NCOR2: variants seen among roughly 807,000 people sequenced by gnomAD.
NCOR2 encodes the protein CTG repeat protein 26.
Under a neutral mutation model 262.9 loss-of-function variants are expected in NCOR2, and 81 were observed. That is an observed-to-expected ratio of 0.31 (90% CI 0.26 to 0.37). NCOR2 has a LOEUF of 0.37. Among genes scored for constraint, NCOR2 ranks in the 10% least tolerant of loss-of-function variants. The probability of loss-of-function intolerance (pLI) is 1.00; values close to 1 mark genes in which losing one functional copy is unlikely to be tolerated. For synonymous variants in NCOR2, 1,659 were observed against 1,559.3 expected, an observed-to-expected ratio of 1.06 and a Z score of -1.51; for missense variants, 3,385 against 3,621.4, an observed-to-expected ratio of 0.93 and a Z score of 1.68.
At chr12:124,326,881 G>T (rs2034704362) in intron 45 of NCOR2, among the ~76,000 whole-genome samples, 1 of 152,186 alleles carries the variant, frequency 6.6e-6, no homozygotes, top group Non-Finnish European at 1.5e-5. Flanking sequence ...GATACAGAGG[G>T]TATTGATGGG....
At chr12:124,421,093 G>A (rs529335212) in intron 12 of NCOR2, among the ~76,000 whole-genome samples, 1 of 152,400 alleles carries the variant, frequency 6.6e-6, no homozygotes, top group Admixed American at 6.5e-5. Context: ...AGCAATGGCA[G>A]CCCGGCTCCG....
intron 1 of NCOR2, among the ~76,000 whole-genome samples, chr12:124,561,679 A>T (rs1245560255): frequency 6.6e-6 from 1 of 152,056 alleles, no homozygotes; most frequent in South Asian, 2.1e-4. Context: ...AAAGGGGAAG[A>T]CCCTCCAGGA....
At chr12:124,348,924 G>A (rs1175846455) in intron 28 of NCOR2, 1 of 154,790 alleles carries the variant, frequency 6.5e-6, no homozygotes, top group African/African-American at 2.4e-5. Flanking sequence ...GTGTGTGCAG[G>A]AGTGGATGTG....
Position 124,433,869 on chromosome 12 carries a change from C to A in NCOR2, c.883-3082G>T, listed in dbSNP as rs867613600. ...TTACACACACACACACACACACACA[C>A]ACACACACACACACACACACACACA... On this transcript the variant is annotated intron_variant, in intron 8 of 46. Coordinates refer to ENST00000405201, the Ensembl canonical transcript of NCOR2. 1.2e-4 allele frequency among the ~76,000 whole-genome samples: 6 copies of A among 50,450 alleles called. No homozygotes were observed. The South Asian group carries it at 2.3e-3, about 19-fold the overall frequency. 33.1% of individuals were successfully genotyped at this position (50,450 alleles called of 152,430 possible).
In NCOR2 at chr12:124,340,578, C is replaced by T. The variant is rs757989794; in HGVS notation, c.5338+24G>A. On this transcript the variant is annotated intron_variant, in intron 35 of 46. Coordinates refer to ENST00000405201, the Ensembl canonical transcript of NCOR2. ...CCTCCCATGGATGCCGGGGTCCCCA[C>T]CCCAGACTGGGCAGTGGCGCTACCT... is the stretch of plus-strand genomic sequence containing the variant. The T allele has an allele frequency of 6.6e-6, 10 of 1,510,902 alleles. No individual in the cohort carries two copies. The East Asian group carries it at 2.1e-4, about 31-fold the overall frequency. The allele number at this position is 1,510,902 out of a possible 1,614,324, so 93.6% of individuals were successfully genotyped here.
At chr12:124,477,662 T>A (rs1253276018) in intron 3 of NCOR2, among the ~76,000 whole-genome samples, 3 of 152,228 alleles carry the variant, frequency 2.0e-5, no homozygotes, top group Non-Finnish European at 4.4e-5. Context: ...CAAACCCGGA[T>A]TGCCAAGAGC....
intron 24 of NCOR2, 79 bp downstream of exon 26, chr12:124,355,353 T>A (rs870051): frequency 1.6e-5 from 24 of 1,534,692 alleles, no homozygotes; most frequent in Non-Finnish European, 1.9e-5. Context: ...TGGCCCCCAC[T>A]CAGACTTCAT....
At chr12:124,358,294 C>T (rs895665822) in intron 22 of NCOR2, among the ~76,000 whole-genome samples, 33 of 142,890 alleles carry the variant, frequency 2.3e-4, no homozygotes, top group Non-Finnish European at 3.9e-4. Flanking sequence ...TGTATGTGCA[C>T]GTGCACGTGT....
At position 124,440,509 on chromosome 12, in the gene NCOR2, C is replaced by T. The variant is rs954893315; in HGVS notation, c.816-2513G>A. Among the ~76,000 whole-genome samples, 1 of 152,234 alleles carries T rather than the reference C, an allele frequency of 6.6e-6. No individual in the cohort carries two copies. Among genetic ancestry groups the T allele is most frequent in the Admixed American group, 6.5e-5 (1 of 15,292 alleles). Reference sequence around the variant, plus strand: ...CATCTCATAACAGGGTGTCTCTGAGCACACCTCAGAAGCCCTCAGTTTCCT... The same window carrying T: ...CATCTCATAACAGGGTGTCTCTGAGTACACCTCAGAAGCCCTCAGTTTCCT... On this transcript the variant is annotated intron_variant, in intron 7 of 46. Coordinates refer to ENST00000405201, the Ensembl canonical transcript of NCOR2. This position sits in a 1 kb window ranked among gnomAD's most constrained non-coding sequence, Gnocchi z 5.7.
rs1334931290 is a variant in NCOR2 at position 124,335,652 on chromosome 12, C to G, written c.6116-20G>C. ...GGTAACCTAGGGCAGGCGGGGGGTG[C>G]AGAGTCAGGCACCGGGCCCAGGGTT... On this transcript the variant is annotated intron_variant, in intron 38 of 46. Coordinates refer to ENST00000405201, the Ensembl canonical transcript of NCOR2. 2 of 1,582,500 alleles carry G rather than the reference C, an allele frequency of 1.3e-6. No individual in the cohort carries two copies. Among genetic ancestry groups the G allele is most frequent in the Non-Finnish European group, 8.6e-7 (1 of 1,167,382 alleles).
exon 47 of NCOR2, chr12:124,325,379 C>A (rs924847373): frequency 1.6e-5 from 5 of 317,184 alleles, no homozygotes; most frequent in South Asian, 1.0e-4. Context: ...CTGACACCGC[C>A]CCCCCCCCCG....
rs58285194 is a variant in NCOR2 at position 124,519,089 on chromosome 12, T to TACACACACACATACACACACACACACAC, written c.-118+16475_-118+16476insGTGTGTGTGTGTGTGTATGTGTGTGTGT. ...TAGAAAAGAAGACGTGGCCAAATAA[T>TACACACACACATACACACACACACACAC]ACACACACACACACACACACACACA... On this transcript the variant is annotated intron_variant, in intron 1 of 46. Coordinates refer to the NCOR2 transcript ENST00000404621. 6.2e-3 allele frequency among the ~76,000 whole-genome samples: 600 copies of TACACACACACATACACACACACACACAC among 97,250 alleles called. 21 individuals carry two copies. The highest frequency in any genetic ancestry group is 0.01 in the Middle Eastern group (2 of 200). 63.8% of individuals were successfully genotyped at this position (97,250 alleles called of 152,430 possible). A position where few individuals can be genotyped will look rare whatever the true frequency, so the allele number is the denominator to read the frequency against.
intron 24 of NCOR2, 138 bp from the exon 27 acceptor site, chr12:124,355,077 A>T: frequency 1.4e-6 from 1 of 714,298 alleles, no homozygotes; most frequent in Non-Finnish European, 2.3e-6. Context: ...ACGGCAGACA[A>T]GTCACTGCTA....
rs1476684393 is a variant in NCOR2, at chr12:124,443,009, C to A, written c.816-5013G>T. ...GGCAGCCGCCAGGAGCTGGAACCGG[C>A]AAGGAAGCAGCCTCCCCCAGAGCCT... On this transcript the variant is annotated intron_variant, in intron 7 of 46. Coordinates refer to ENST00000405201, the Ensembl canonical transcript of NCOR2. This position sits in a 1 kb window ranked among gnomAD's most constrained non-coding sequence, Gnocchi z 4.4. Among the ~76,000 whole-genome samples, 1 of 152,242 alleles carries A rather than the reference C, an allele frequency of 6.6e-6. No individual in the cohort carries two copies. Among genetic ancestry groups the A allele is most frequent in the African/African-American group, 2.4e-5 (1 of 41,464 alleles).
Position 124,373,288 on chromosome 12 carries a change from C to T in NCOR2, c.2219-678G>A, listed in dbSNP as rs1233054267. The stretch of plus-strand genomic sequence containing the variant: ...ACAGTGGACAATCATGAGGCCAGTG[C>T]GTGTGCAGGGGCCCGGGCACAGTGG... On this transcript the variant is annotated intron_variant, in intron 19 of 46. Coordinates refer to ENST00000405201, the Ensembl canonical transcript of NCOR2. Among the ~76,000 whole-genome samples the T allele has an allele frequency of 7.4e-4, 51 of 69,292 alleles. 5 individuals are homozygous for T. Among genetic ancestry groups the T allele is most frequent in the African/African-American group, 2.1e-3 (48 of 22,570 alleles). The allele number at this position is 69,292 out of a possible 152,430, so 45.5% of individuals were successfully genotyped here. A position where few individuals can be genotyped will look rare whatever the true frequency, so the allele number is the denominator to read the frequency against.
At chr12:124,489,357 G>A (rs1354407882) in intron 1 of NCOR2, among the ~76,000 whole-genome samples, 1 of 152,198 alleles carries the variant, frequency 6.6e-6, no homozygotes, top group Non-Finnish European at 1.5e-5. Context: ...GCAACCCTGT[G>A]AGGTGGGTAT....
Position 124,429,616 on chromosome 12 carries a change from C to G in NCOR2, c.1146G>C (p.Gln382His), listed in dbSNP as rs753634343. The change falls in exon 10 of 47, where the codon CAG becomes CAC. Residue 382 changes from glutamine to histidine, a missense_variant. By Grantham distance (24) the Gln-to-His change is conservative. Around this residue, in one of 5 missense-constraint regions of NCOR2, gnomAD observed 515 missense variants for 781.2 expected, o/e 0.66. Transcript: ENST00000405201. ...CAGAGTCAGGGCCTGGACTCACCTC[C>G]TGCTCTGAGAGGCCATCGATGATCT... The G allele has an allele frequency of 3.1e-6, 5 of 1,601,662 alleles. No homozygotes were observed. Among genetic ancestry groups the G allele is most frequent in the Non-Finnish European group, 4.3e-6 (5 of 1,174,108 alleles).
At chr12:124,533,739 G>C (rs1001724570) in intron 1 of NCOR2, among the ~76,000 whole-genome samples, 1 of 152,102 alleles carries the variant, frequency 6.6e-6, no homozygotes, top group East Asian at 1.9e-4. Flanking sequence ...TCTGAGAAAC[G>C]CACGGGAGCT....
chr12:124,479,561 A>G (rs752574729), intron 3 of NCOR2, among the ~76,000 whole-genome samples: 5 of 151,846 alleles, frequency 3.3e-5, no homozygotes, highest in Admixed American at 6.5e-5. Flanking sequence ...ACAAACGCGC[A>G]CACACACGCA....
Sources: allele counts gnomAD v4.1 joint callset (sites outside exome capture counted in the v4.1 genomes callset), GRCh38; gene constraint gnomAD v4.1.1; regional missense constraint gnomAD v4.1.1; non-coding constraint Gnocchi (gnomAD v3.1); transcripts MANE v1.5; gene names NCBI Gene and HGNC (gene_info 2026-07-23, HGNC 2026-07-21).